ZNF782: variants seen among roughly 807,000 people sequenced by gnomAD.
ZNF782 encodes the protein zinc finger protein 782.
Under a neutral mutation model 13.0 loss-of-function variants are expected in ZNF782, and 12 were observed. The observed-to-expected ratio is 0.92, with a 90% CI of 0.59 to 1.50. ZNF782 has a LOEUF of 1.50. ZNF782 is among the 40% of genes most tolerant of loss of function. The pLI, the probability that ZNF782 is intolerant of heterozygous loss-of-function variation, is 0.00. For synonymous variants in ZNF782, 284 were observed against 283.0 expected, an observed-to-expected ratio of 1.00 and a Z score of -0.04; for missense variants, 770 against 822.9, an observed-to-expected ratio of 0.94 and a Z score of 0.79.
At chr9:96,853,720 T>C (rs575280848) in intron 1 of ZNF782, among the ~76,000 whole-genome samples, 44 of 152,356 alleles carry the variant, frequency 2.9e-4, no homozygotes, top group Admixed American at 9.8e-4. Context: ...AAGGCTGCAA[T>C]GCTGGTTTTA....
At position 96,819,504 on chromosome 9, in the gene ZNF782, G is replaced by A; in HGVS notation, c.519C>T (p.Ile173=). The A allele has an allele frequency of 6.2e-7, 1 of 1,613,218 alleles. No homozygotes were observed. Among genetic ancestry groups the A allele is most frequent in the Non-Finnish European group, 8.5e-7 (1 of 1,179,764 alleles). Residue 173 remains isoleucine, a synonymous_variant, in exon 6 of 6, where the codon ATC becomes ATT. Transcript: ENST00000481138. ...TGTTAGTTCTGCCATCCTTAATACTGATGAGCCATTTGTCACAAACATTAC... is the reference window on the plus strand; with the variant it reads ...TGTTAGTTCTGCCATCCTTAATACTAATGAGCCATTTGTCACAAACATTAC... ...HERNVCDKWL[I]SIKDGRTNTQ...
intron 3 of ZNF782, among the ~76,000 whole-genome samples, chr9:96,845,391 T>C (rs1851316147): frequency 6.6e-6 from 1 of 152,144 alleles, no homozygotes; most frequent in Non-Finnish European, 1.5e-5. Flanking sequence ...GCCTCCCAAG[T>C]AGCTGGAATT....
At chr9:96,824,506 G>A (rs1266274527) in intron 5 of ZNF782, among the ~76,000 whole-genome samples, 2 of 152,134 alleles carry the variant, frequency 1.3e-5, no homozygotes, top group East Asian at 3.9e-4. Flanking sequence ...AGACAAGGAT[G>A]ACCTCTCTCA....
At chr9:96,918,511 G>A in the ZNF782 span, 38 of 150,688 alleles carry the variant, frequency 2.5e-4, no homozygotes, top group African/African-American at 8.5e-4. Context: ...TAATATGGAT[G>A]GGCAGAGACA....
At chr9:96,889,220 A>G in the ZNF782 span, 1 of 152,188 alleles carries the variant, frequency 6.6e-6, no homozygotes. Context: ...GACGCTCAGT[A>G]GCACCCTTCC....
chr9:96,829,709 C>T (rs1348948207), intron 4 of ZNF782, among the ~76,000 whole-genome samples: 1 of 151,624 alleles, frequency 6.6e-6, no homozygotes, highest in East Asian at 1.9e-4. Context: ...TAAGATGGGC[C>T]CTGAAACAAG....
chr9:96,918,571 G>A, the ZNF782 span: 8 of 150,414 alleles, frequency 5.3e-5, no homozygotes, highest in South Asian at 2.1e-4. Flanking sequence ...ATTTTATGCC[G>A]TGTTATTTTT....
At position 96,851,699 on chromosome 9, in the gene ZNF782, T is replaced by C. The variant is rs143517203; in HGVS notation, c.15+248A>G. 2.3e-3 allele frequency among the ~76,000 whole-genome samples: 352 copies of C among 152,366 alleles called. 3 individuals carry two copies. The highest frequency in any genetic ancestry group is 8.0e-3 in the African/African-American group (332 of 41,588). On this transcript the variant is annotated intron_variant, in intron 3 of 5. Coordinates refer to ENST00000481138, the MANE Select transcript of ZNF782 (RefSeq NM_001001662.3). ...ATTCAAGGACACAGCTATAGATTTA[T>C]TCTGATACATAAAAAGTATTTAATA...
chr9:96,869,489 T>A (rs565434937), intron 1 of ZNF782, among the ~76,000 whole-genome samples: 6 of 152,296 alleles, frequency 3.9e-5, no homozygotes, highest in African/African-American at 1.4e-4. Flanking sequence ...GTCCCATGAG[T>A]TTGTTAGACA....
the ZNF782 span, among the ~76,000 whole-genome samples, chr9:96,922,339 T>C: frequency 2.0e-5 from 3 of 152,240 alleles, no homozygotes; most frequent in Non-Finnish European, 4.4e-5. Flanking sequence ...TTCTCTGTTA[T>C]ACCTTGTTGC....
chr9:96,921,637 G>A, the ZNF782 span, among the ~76,000 whole-genome samples: 4 of 150,230 alleles, frequency 2.7e-5, no homozygotes, highest in Non-Finnish European at 5.9e-5. Flanking sequence ...AAGGCGGGCA[G>A]ATCACTTGAG....
the ZNF782 span, among the ~76,000 whole-genome samples, chr9:96,897,476 G>A: frequency 6.6e-6 from 1 of 152,086 alleles, no homozygotes. Context: ...TGCTGTGGCT[G>A]GGGGAGTCTG....
chr9:96,907,825 G>C, the ZNF782 span, among the ~76,000 whole-genome samples: 3 of 151,796 alleles, frequency 2.0e-5, no homozygotes, highest in African/African-American at 7.3e-5. Context: ...ATTTTTAGTA[G>C]AGATGGGGTT....
the ZNF782 span, chr9:96,910,229 G>T: frequency 4.2e-6 from 3 of 717,506 alleles, no homozygotes; most frequent in Non-Finnish European, 7.5e-6. Context: ...TGACAAGGAG[G>T]TAGATGAAGA....
chr9:96,910,782 G>A, the ZNF782 span, among the ~76,000 whole-genome samples: 3 of 148,562 alleles, frequency 2.0e-5, no homozygotes, highest in East Asian at 4.0e-4. Flanking sequence ...GACTACAGGC[G>A]CCCGCCACGA....
At chr9:96,874,117 C>T (rs1177425359) in intron 1 of ZNF782, among the ~76,000 whole-genome samples, 1 of 152,176 alleles carries the variant, frequency 6.6e-6, no homozygotes, top group Non-Finnish European at 1.5e-5. Flanking sequence ...GACAATAGAT[C>T]ACTACCCATC....
the ZNF782 span, among the ~76,000 whole-genome samples, chr9:96,898,935 A>G: frequency 6.1e-5 from 9 of 148,100 alleles, no homozygotes; most frequent in Admixed American, 2.0e-4. Context: ...TCATTTTGGG[A>G]CAACCGTCAC....
chr9:96,920,711 C>T, the ZNF782 span, among the ~76,000 whole-genome samples: 19 of 148,704 alleles, frequency 1.3e-4, no homozygotes, highest in Middle Eastern at 0.01. Context: ...GTCAGGAGTT[C>T]GAGACCAGCC....
In ZNF782 at chr9:96,841,123, C is replaced by T. The variant is rs141357303; in HGVS notation, c.142+3767G>A. ...AATGATAATAATGGAATGGTCTGAACATCTTTACACATATGAATGTGACAA... is the reference window on the plus strand; with the variant it reads ...AATGATAATAATGGAATGGTCTGAATATCTTTACACATATGAATGTGACAA... On this transcript the variant is annotated intron_variant, in intron 4 of 5. Transcript: ENST00000481138. 5.6e-3 allele frequency among the ~76,000 whole-genome samples: 859 copies of T among 152,052 alleles called. 10 individuals are homozygous for T. Among genetic ancestry groups the T allele is most frequent in the African/African-American group, 0.019 (801 of 41,540 alleles).
Sources: gnomAD v4.1 joint callset for allele counts (sites outside exome capture counted in the v4.1 genomes callset) on GRCh38, gnomAD v4.1.1 for gene constraint, MANE v1.5 for transcripts, NCBI Gene and HGNC (gene_info 2026-07-23, HGNC 2026-07-21) for gene names.